Variants in PDE4D observed in about 807,000 individuals in gnomAD.
PDE4D encodes phosphodiesterase 4D, also known as 3',5'-cyclic-AMP phosphodiesterase 4D.
Under a neutral mutation model 87.4 loss-of-function variants are expected in PDE4D, and 24 were observed. The ratio of observed to expected loss-of-function variants is 0.27; its 90% CI spans 0.20 to 0.39. PDE4D has a LOEUF of 0.39. Among genes scored for constraint, PDE4D ranks in the 10% least tolerant of loss-of-function variants. The pLI is 1.00. For missense variants in PDE4D, 714 were observed against 1,041.0 expected (o/e 0.69, Z 4.32); for synonymous variants, 384 against 383.2 (o/e 1.00, Z -0.02).
intron 1 of PDE4D, among the ~76,000 whole-genome samples, chr5:59,505,937 G>A (rs1809185407): frequency 6.6e-6 from 1 of 152,008 alleles, no homozygotes; most frequent in African/African-American, 2.4e-5. Flanking sequence ...ATTCATTTCA[G>A]CTCCATTGCC....
chr5:59,552,567 GT>G (rs1360432695), intron 1 of PDE4D, among the ~76,000 whole-genome samples: 2 of 152,024 alleles, frequency 1.3e-5, no homozygotes, highest in African/African-American at 4.8e-5. Flanking sequence ...TTAAAAATTG[GT>G]TTCACCATTG....
chr5:60,149,827 G>T (rs1781342447), intron 2 of PDE4D, among the ~76,000 whole-genome samples: 1 of 146,992 alleles, frequency 6.8e-6, no homozygotes, highest in Non-Finnish European at 1.5e-5. Context: ...CAGATATATA[G>T]TATATGTAGA....
Position 59,203,311 on chromosome 5 carries a change from GT to G in PDE4D, c.648-9776del, listed in dbSNP as rs36121613. Among the ~76,000 whole-genome samples, 93 of 151,376 alleles carry G rather than the reference GT, an allele frequency of 6.1e-4. 1 individual carries two copies. The highest frequency in any genetic ancestry group is 6.8e-3 in the Middle Eastern group (2 of 294). On this transcript the variant is annotated intron_variant, in intron 2 of 14. Coordinates refer to ENST00000340635, the MANE Select transcript of PDE4D (RefSeq NM_001104631.2). ...GAGATATCACCTGACACCTATAATA[GT>G]TTTTTTTTAATCAAAAAAAGGTAAC...
chr5:60,162,911 A>C (rs1269684050), intron 2 of PDE4D, among the ~76,000 whole-genome samples: 1 of 152,190 alleles, frequency 6.6e-6, no homozygotes, highest in Non-Finnish European at 1.5e-5. Flanking sequence ...TTTCATTAGC[A>C]GAATTTAAAA....
chr5:58,980,834 C>A (rs1174687791), intron 11 of PDE4D, among the ~76,000 whole-genome samples: 2 of 152,040 alleles, frequency 1.3e-5, no homozygotes, highest in African/African-American at 4.8e-5. Flanking sequence ...GAAAAAGACA[C>A]ATTTATTTAT....
chr5:60,382,655 C>G (rs1583585709), intron 1 of PDE4D, among the ~76,000 whole-genome samples: 2 of 152,146 alleles, frequency 1.3e-5, no homozygotes, highest in African/African-American at 4.8e-5. Flanking sequence ...GAAGAGGCAG[C>G]CCCCCAAGTT....
intron 5 of PDE4D, among the ~76,000 whole-genome samples, chr5:59,136,953 C>T (rs7707566): frequency 0.86 from 130,883 of 152,228 alleles, 56,567 homozygotes; most frequent in Non-Finnish European, 0.9. Context: ...TCCAAGACTT[C>T]CCCAGTTTTA....
At chr5:59,767,935 G>A (rs1263423488) in intron 1 of PDE4D, among the ~76,000 whole-genome samples, 2 of 152,146 alleles carry the variant, frequency 1.3e-5, no homozygotes, top group East Asian at 1.9e-4. Flanking sequence ...TCAAAGAAAC[G>A]CCACTACGTA....
chr5:59,624,718 GT>G (rs1234142080), intron 1 of PDE4D, among the ~76,000 whole-genome samples: 1 of 152,174 alleles, frequency 6.6e-6, no homozygotes, highest in Non-Finnish European at 1.5e-5. Flanking sequence ...TTGCCTGGTA[GT>G]TCTTTATTTC....
chr5:59,507,366 A>G (rs979988196), intron 1 of PDE4D, among the ~76,000 whole-genome samples: 1 of 152,068 alleles, frequency 6.6e-6, no homozygotes, highest in African/African-American at 2.4e-5. Flanking sequence ...AAAACAATAA[A>G]ATGAATAAAT....
In PDE4D at chr5:59,931,202, T is replaced by C. The variant is rs1024999273; in HGVS notation, c.272+57286A>G. Among the ~76,000 whole-genome samples the C allele has an allele frequency of 3.9e-5, 6 of 152,362 alleles. No individual in the cohort carries two copies. The East Asian group carries it at 1.2e-3, about 29-fold the overall frequency. The stretch of plus-strand genomic sequence containing the variant: ...TTTGTCTATCAACATGTTTGGACAA[T>C]GAAAACTTTACATATGTAATTTTAA... On this transcript the variant is annotated intron_variant, in intron 3 of 16. Transcript: ENST00000502484.
At chr5:59,747,880 C>T (rs1759853093) in intron 1 of PDE4D, among the ~76,000 whole-genome samples, 1 of 152,150 alleles carries the variant, frequency 6.6e-6, no homozygotes, top group South Asian at 2.1e-4. Context: ...GCAATTGTCC[C>T]CAGTTTCTCA....
intron 1 of PDE4D, among the ~76,000 whole-genome samples, chr5:59,859,498 C>T (rs371133134): frequency 2.6e-5 from 4 of 152,066 alleles, no homozygotes; most frequent in Non-Finnish European, 4.4e-5. Context: ...GGTTAGTAAC[C>T]CTCCCCTAAA....
At chr5:59,175,548 C>A (rs1355835755) in intron 5 of PDE4D, among the ~76,000 whole-genome samples, 4 of 130,200 alleles carry the variant, frequency 3.1e-5, no homozygotes, top group Non-Finnish European at 4.7e-5. Flanking sequence ...GTGGCCTGAT[C>A]TCGGCTCACT....
At chr5:60,023,719 C>T (rs1278719051) in intron 2 of PDE4D, among the ~76,000 whole-genome samples, 1 of 152,154 alleles carries the variant, frequency 6.6e-6, no homozygotes, top group Non-Finnish European at 1.5e-5. Flanking sequence ...ACCTTAGAAG[C>T]AGAATAATTC....
Position 60,183,811 on chromosome 5 carries a change from A to G in PDE4D, c.42+1746T>C, listed in dbSNP as rs1460923476. 5.7e-4 allele frequency among the ~76,000 whole-genome samples: 87 copies of G among 152,342 alleles called. 1 individual carries two copies. The highest frequency in any genetic ancestry group is 5.7e-3 in the Admixed American group (87 of 15,306). On this transcript the variant is annotated intron_variant, in intron 2 of 16. Coordinates refer to the PDE4D transcript ENST00000502484. The stretch of plus-strand genomic sequence containing the variant: ...AAAAACGTAAGCGTTGGAGGGTTAT[A>G]TGCTCAGACCAGAGCAAAATAAAAT...
At chr5:59,789,580 G>C (rs1293864687) in intron 1 of PDE4D, among the ~76,000 whole-genome samples, 1 of 152,212 alleles carries the variant, frequency 6.6e-6, no homozygotes, top group Non-Finnish European at 1.5e-5. Flanking sequence ...TATTTAATTA[G>C]TCATTATATT....
At chr5:59,886,623 T>C (rs1750200831) in intron 1 of PDE4D, among the ~76,000 whole-genome samples, 1 of 152,202 alleles carries the variant, frequency 6.6e-6, no homozygotes, top group Non-Finnish European at 1.5e-5. Context: ...TTCATGAGTT[T>C]TCTGAACAGG....
At chr5:60,506,955 C>CCA (rs1309783784) in intron 1 of PDE4D, among the ~76,000 whole-genome samples, 1 of 152,116 alleles carries the variant, frequency 6.6e-6, no homozygotes, top group Non-Finnish European at 1.5e-5. Context: ...ACCTCTAGTC[C>CCA]TATTAGCAAA....
Sources: allele counts gnomAD v4.1 joint callset (sites outside exome capture counted in the v4.1 genomes callset), GRCh38; gene constraint gnomAD v4.1.1; transcripts MANE v1.5; gene names NCBI Gene and HGNC (gene_info 2026-07-23, HGNC 2026-07-21).